The following MS4A8 variants were observed in gnomAD, a reference collection of about 807,000 sequenced individuals.
The protein encoded by MS4A8 is membrane spanning 4-domains A8.
Under a neutral mutation model 23.7 loss-of-function variants are expected in MS4A8, and 27 were observed. The ratio of observed to expected loss-of-function variants is 1.14; its 90% confidence interval spans 0.84 to 1.57. The LOEUF is 1.57. Ranked by LOEUF, MS4A8 falls within the 40% of genes most tolerant of loss-of-function variation. The pLI is 0.00. For synonymous variants in MS4A8, 138 were observed against 126.3 expected, an observed-to-expected ratio of 1.09 and a Z score of -0.62; for missense variants, 301 against 311.4, an observed-to-expected ratio of 0.97 and a Z score of 0.25.
chr11:60,715,155 G>C (rs199779904), intron 6 of MS4A8, 21 bp downstream of exon 6: 847 of 1,587,632 alleles, frequency 5.3e-4, no homozygotes, highest in Non-Finnish European at 6.9e-4. Flanking sequence ...GGGTTCCTCA[G>C]TGGGTGGAAA....
chr11:60,700,913 C>T lies in MS4A8; in HGVS notation c.53C>T (p.Ala18Val), dbSNP rs2088198024. The part of the protein sequence containing the change: ...VPVANSVLVV[A>V]PHNGYPVTPG... ...GTGGCCAATTCTGTGTTGGTGGTGG[C>T]ACCCCACAATGGTTATCCTGTGACC... The change falls in exon 2 of 7, where the codon GCA (alanine) becomes GTA (valine). Residue 18 changes from alanine (A) to valine (V), a missense_variant. Physicochemically the swap from Ala to Val is moderately conservative, Grantham distance 64. Coordinates refer to ENST00000300226, the MANE Select transcript of MS4A8 (RefSeq NM_031457.2). 1 of 1,614,072 alleles carries T rather than the reference C, an allele frequency of 6.2e-7. No individual in the cohort carries two copies. Among genetic ancestry groups the T allele is most frequent in the Admixed American group, 1.7e-5 (1 of 60,006 alleles).
At chr11:60,714,725 TG>T (rs2088327449) in intron 5 of MS4A8, among the ~76,000 whole-genome samples, 1 of 152,090 alleles carries the variant, frequency 6.6e-6, no homozygotes, top group Non-Finnish European at 1.5e-5. Flanking sequence ...CTCCCCTCTC[TG>T]ACTCCAGAGC....
At chr11:60,701,129 G>T in intron 2 of MS4A8, 50 bp downstream of exon 2, 1 of 1,550,514 alleles carries the variant, frequency 6.4e-7, no homozygotes, top group Admixed American at 1.7e-5. Context: ...CTGGAGTGAT[G>T]GCAGGGGGAA....
intron 1 of MS4A8, 23 bp from the exon 2 acceptor site, chr11:60,700,835 TTC>T (rs2088197049): frequency 8.1e-6 from 13 of 1,613,338 alleles, no homozygotes; most frequent in Non-Finnish European, 1.1e-5. Flanking sequence ...TGAGGGAAAA[TTC>T]TCTCGCATTT....
At chr11:60,706,638 A>G (rs1160733441) in intron 3 of MS4A8, among the ~76,000 whole-genome samples, 1 of 152,218 alleles carries the variant, frequency 6.6e-6, no homozygotes, top group Non-Finnish European at 1.5e-5. Context: ...AAGATATACT[A>G]AATGCCAGAT....
chr11:60,707,478 C>A (rs1468520277), intron 4 of MS4A8, among the ~76,000 whole-genome samples: 1 of 152,198 alleles, frequency 6.6e-6, no homozygotes, highest in Non-Finnish European at 1.5e-5. Flanking sequence ...CAGTCACTCG[C>A]TTTCCTAAGG....
intron 6 of MS4A8, 46 bp downstream of exon 6, chr11:60,715,180 G>T: frequency 6.5e-7 from 1 of 1,538,876 alleles, no homozygotes; most frequent in South Asian, 1.1e-5. Context: ...CCCCCAAAAA[G>T]GTGGAGACAA....
chr11:60,709,469 AT>A (rs1378141154), intron 5 of MS4A8, among the ~76,000 whole-genome samples: 1 of 152,222 alleles, frequency 6.6e-6, no homozygotes, highest in African/African-American at 2.4e-5. Context: ...AAATATTGTC[AT>A]TTCAACATGT....
rs757408933 is a variant in MS4A8 at position 60,703,422 on chromosome 11, C to T, written c.264C>T (p.Ser88=). 2 of 1,604,668 alleles carry T rather than the reference C, an allele frequency of 1.2e-6. No homozygotes were observed. The change falls in exon 3 of 7, where the codon TCC becomes TCT. Residue 88 remains serine, a synonymous_variant. Coordinates refer to ENST00000300226, the MANE Select transcript of MS4A8 (RefSeq NM_031457.2). ...IIGLAHIGLG[S]IMATVLVGEY... is the part of the protein sequence containing the mutation. ...GCCTGGCTCACATCGGCCTCGGCTC[C>T]ATCATGGCGACGGTTCTCGTAGGGG...
At chr11:60,711,979 G>T (rs1336994105) in intron 5 of MS4A8, 1 of 261,364 alleles carries the variant, frequency 3.8e-6, no homozygotes, top group Non-Finnish European at 7.8e-6. Flanking sequence ...ATACTCCGGG[G>T]TTTCCACATC....
intron 5 of MS4A8, 140 bp downstream of exon 5, chr11:60,708,921 T>A: frequency 9.7e-7 from 1 of 1,028,984 alleles, no homozygotes; most frequent in Non-Finnish European, 1.5e-6. Flanking sequence ...GAACAAATTT[T>A]AAAGTCCTTG....
At chr11:60,708,508 G>A in intron 4 of MS4A8, 142 bp from the exon 5 acceptor site, 4 of 774,532 alleles carry the variant, frequency 5.2e-6, no homozygotes, top group Non-Finnish European at 7.6e-6. Context: ...ACTTGAAAAT[G>A]ATTAGGATGT....
At chr11:60,710,567 C>CACCG (rs771002765) in intron 5 of MS4A8, among the ~76,000 whole-genome samples, 32 of 152,148 alleles carry the variant, frequency 2.1e-4, no homozygotes, top group Admixed American at 4.6e-4. Flanking sequence ...TGGCCTGAGC[C>CACCG]ACCGCATCTC....
At position 60,712,299 on chromosome 11, in the gene MS4A8, T is replaced by C. The variant is rs757265129; in HGVS notation, c.535-2722T>C. 106 of 984,400 alleles carry C rather than the reference T, an allele frequency of 1.1e-4. 1 individual carries two copies. The highest frequency in any genetic ancestry group is 1.2e-4 in the Non-Finnish European group (99 of 829,022). The allele number at this position is 984,400 out of a possible 1,614,324, so 61.0% of individuals were successfully genotyped here. A position where few individuals can be genotyped will look rare whatever the true frequency, so the allele number is the denominator to read the frequency against. On this transcript the variant is annotated intron_variant, in intron 5 of 6. Transcript: ENST00000300226. ...CTCTTACCCTATCTGATGTGAATTATAATTATCATCTGCATCTGTTTTCCT... is the reference window on the plus strand; with the variant it reads ...CTCTTACCCTATCTGATGTGAATTACAATTATCATCTGCATCTGTTTTCCT...
At chr11:60,701,504 G>A (rs1330681028) in intron 2 of MS4A8, 11 of 357,890 alleles carry the variant, frequency 3.1e-5, no homozygotes, top group South Asian at 1.7e-4. Flanking sequence ...AATGGTCACC[G>A]CAACCCCTGA....
At chr11:60,707,837 T>A (rs1827935) in intron 4 of MS4A8, among the ~76,000 whole-genome samples, 18 of 84,648 alleles carry the variant, frequency 2.1e-4, no homozygotes, top group African/African-American at 8.0e-4. Context: ...TTTTTTTTTG[T>A]GTGTGTGTGT....
At chr11:60,709,139 A>G (rs2088281481) in intron 5 of MS4A8, 2 of 274,188 alleles carry the variant, frequency 7.3e-6, no homozygotes, top group South Asian at 7.5e-5. Context: ...TAAAGAGCCA[A>G]TAGTAAGCAG....
chr11:60,711,669 C>A (rs184091149), intron 5 of MS4A8, among the ~76,000 whole-genome samples: 41 of 152,158 alleles, frequency 2.7e-4, no homozygotes, highest in Non-Finnish European at 4.9e-4. Context: ...CATGGACTGC[C>A]CAATAGAAGA....
chr11:60,706,577 G>A (rs2088257855), intron 3 of MS4A8, among the ~76,000 whole-genome samples: 1 of 152,110 alleles, frequency 6.6e-6, no homozygotes, highest in East Asian at 1.9e-4. Context: ...GTACTTGTGG[G>A]AAAATAAAAT....
Sources: allele counts gnomAD v4.1 joint callset (sites outside exome capture counted in the v4.1 genomes callset), GRCh38; gene constraint gnomAD v4.1.1; transcripts MANE v1.5; gene names NCBI Gene and HGNC (gene_info 2026-07-23, HGNC 2026-07-21).